The following JAM3 variants were observed in gnomAD, a reference collection of about 807,000 sequenced individuals.
JAM3 encodes junctional adhesion molecule C.
In JAM3, 31 loss-of-function variants were observed where a neutral mutation model predicts 39.4. The observed-to-expected ratio is 0.79, with a 90% CI of 0.59 to 1.06. The LOEUF (loss-of-function observed/expected upper bound fraction) is 1.06. Ranked by LOEUF, JAM3 falls within the 50% of genes least tolerant of loss-of-function variation. The pLI, the probability that JAM3 is intolerant of heterozygous loss-of-function variation, is 0.00. For missense variants in JAM3, 455 were observed against 391.4 expected, an observed-to-expected ratio of 1.16 and a Z score of -1.37; for synonymous variants, 182 against 148.7, an observed-to-expected ratio of 1.22 and a Z score of -1.63.
chr11:134,079,990 TTC>T (rs1320251860), intron 1 of JAM3, among the ~76,000 whole-genome samples: 1 of 148,360 alleles, frequency 6.7e-6, no homozygotes, highest in African/African-American at 2.6e-5. Context: ...TTTTGTTTTG[TTC>T]TTTTTTTTGT....
intron 1 of JAM3, among the ~76,000 whole-genome samples, chr11:134,126,663 C>T (rs904478876): frequency 1.3e-5 from 2 of 152,192 alleles, no homozygotes; most frequent in Non-Finnish European, 2.9e-5. Flanking sequence ...GGAGATGATT[C>T]AGGAAGTCTA....
intron 1 of JAM3, among the ~76,000 whole-genome samples, chr11:134,119,542 A>G (rs980011606): frequency 1.3e-5 from 2 of 152,316 alleles, no homozygotes; most frequent in South Asian, 4.1e-4. Context: ...GACTCACACG[A>G]TTAAGAAAGC....
chr11:134,114,339 C>A (rs1287238456), intron 1 of JAM3, among the ~76,000 whole-genome samples: 1 of 152,164 alleles, frequency 6.6e-6, no homozygotes, highest in Non-Finnish European at 1.5e-5. Flanking sequence ...AGTCTTTAAT[C>A]CATCTTGAAT....
At position 134,144,960 on chromosome 11, in the gene JAM3, C is replaced by A. The variant is rs754334717; in HGVS notation, c.578C>A (p.Ser193Tyr). 9.9e-6 allele frequency: 16 copies of A among 1,614,140 alleles called. No individual in the cohort carries two copies. Among genetic ancestry groups the A allele is most frequent in the Non-Finnish European group, 1.1e-5 (13 of 1,179,972 alleles). Residue 193 changes from serine to tyrosine, a missense_variant, in exon 5 of 9, where the codon TCT becomes TAT. Coordinates refer to ENST00000299106, the MANE Select transcript of JAM3 (RefSeq NM_032801.5). ...AGAGCCAATCCCAGATTTCGCAATT[C>A]TTCTTTCCACTTAAACTCTGAAACA... ...DSRANPRFRN[S>Y]SFHLNSETGT...
At chr11:134,122,573 C>T (rs559251265) in intron 1 of JAM3, among the ~76,000 whole-genome samples, 2 of 152,296 alleles carry the variant, frequency 1.3e-5, no homozygotes, top group South Asian at 4.1e-4. Context: ...GCTTTTCTAC[C>T]CTGTTATGGC....
At chr11:134,099,826 C>T (rs1225753158) in intron 1 of JAM3, among the ~76,000 whole-genome samples, 5 of 152,084 alleles carry the variant, frequency 3.3e-5, no homozygotes, top group Admixed American at 1.3e-4. Context: ...AGGCTGGTCT[C>T]GAACTCCAGA....
At chr11:134,129,299 G>T (rs181808556) in intron 1 of JAM3, among the ~76,000 whole-genome samples, 1 of 151,972 alleles carries the variant, frequency 6.6e-6, no homozygotes, top group Non-Finnish European at 1.5e-5. Context: ...TGTATTTTTA[G>T]TAGAGATGGG....
At chr11:134,140,862 AACCTGC>A in intron 3 of JAM3, 92 bp downstream of exon 3, 1 of 1,503,912 alleles carries the variant, frequency 6.6e-7, no homozygotes. Flanking sequence ...TCAGACTGGT[AACCTGC>A]ATCTGTAGCT....
At position 134,151,215 on chromosome 11, in the gene JAM3, CTG is replaced by C. The variant is rs1232425284; in HGVS notation, c.*2038_*2039del. 5 of 152,208 alleles carry C rather than the reference CTG, an allele frequency of 3.3e-5. No individual in the cohort carries two copies. Among genetic ancestry groups the C allele is most frequent in the Admixed American group, 2.0e-4 (3 of 15,286 alleles). 9.4% of individuals were successfully genotyped at this position (152,208 alleles called of 1,614,324 possible). On this transcript the variant is annotated 3_prime_UTR_variant, in exon 9 of 9. Coordinates refer to ENST00000299106, the MANE Select transcript of JAM3 (RefSeq NM_032801.5). The stretch of plus-strand genomic sequence containing the variant: ...CTTTTTTTTAATTGCATACATGAGA[CTG>C]TGTTGACTTTTTTTAGTTATGTGAA...
Position 134,144,279 on chromosome 11 carries a change from T to C in JAM3, c.295T>C (p.Ser99Pro), listed in dbSNP as rs747916870. 8.7e-6 allele frequency: 14 copies of C among 1,614,168 alleles called. No homozygotes were observed. The highest frequency in any genetic ancestry group is 1.2e-5 in the Non-Finnish European group (14 of 1,180,030). The change falls in exon 4 of 9, where the codon TCC becomes CCC. Residue 99 changes from serine (S) to proline (P), a missense_variant. Transcript: ENST00000299106. ...TCGTGCAGAAATACTGGGGAAGACA[T>C]CCCTGAAGATCTGGAATGTGACACG... ...AGRAEILGKT[S>P]LKIWNVTRRD...
chr11:134,144,118 A>G, intron 3 of JAM3, 123 bp from the exon 4 acceptor site: 1 of 910,976 alleles, frequency 1.1e-6, no homozygotes, highest in Middle Eastern at 2.2e-4. Flanking sequence ...TCGGGAATAG[A>G]AATAAATATT....
chr11:134,128,917 G>A (rs556517395), intron 1 of JAM3, among the ~76,000 whole-genome samples: 26 of 152,158 alleles, frequency 1.7e-4, no homozygotes, highest in African/African-American at 6.0e-4. Flanking sequence ...ACTAGGAGTT[G>A]CCTAACAAAA....
rs183117501 is a variant in JAM3 at position 134,099,633 on chromosome 11, C to T, written c.76+30474C>T. Among the ~76,000 whole-genome samples the T allele has an allele frequency of 3.9e-5, 6 of 152,294 alleles. No homozygotes were observed. The East Asian group carries it at 7.7e-4, about 20-fold the overall frequency. On this transcript the variant is annotated intron_variant, in intron 1 of 8. Coordinates refer to ENST00000299106, the MANE Select transcript of JAM3 (RefSeq NM_032801.5). ...GTTTATTTATTTAGGGACAGAATCT[C>T]GCTCTGTCACCCGCCCAGGCTGGAG...
At chr11:134,138,558 C>T (rs938889813) in intron 1 of JAM3, among the ~76,000 whole-genome samples, 1 of 152,238 alleles carries the variant, frequency 6.6e-6, no homozygotes, top group Non-Finnish European at 1.5e-5. Context: ...GACTCGGAGC[C>T]TCACATATCA....
intron 1 of JAM3, among the ~76,000 whole-genome samples, chr11:134,129,437 A>T (rs1285060545): frequency 6.6e-6 from 1 of 151,978 alleles, no homozygotes; most frequent in Non-Finnish European, 1.5e-5. Flanking sequence ...TCTTATAAGG[A>T]CACTAGTCAT....
At chr11:134,125,025 G>C (rs554207794) in intron 1 of JAM3, among the ~76,000 whole-genome samples, 78 of 152,328 alleles carry the variant, frequency 5.1e-4, no homozygotes, top group African/African-American at 1.6e-3. Context: ...CACCCGCCCG[G>C]TGGCGGCGGC....
chr11:134,133,084 G>A (rs892981138), intron 1 of JAM3, among the ~76,000 whole-genome samples: 1 of 152,134 alleles, frequency 6.6e-6, no homozygotes. Context: ...GATGGATGAG[G>A]GTTTCCAAGC....
intron 3 of JAM3, among the ~76,000 whole-genome samples, chr11:134,142,193 C>T (rs573212494): frequency 6.6e-6 from 1 of 152,218 alleles, no homozygotes; most frequent in African/African-American, 2.4e-5. Context: ...CTCTTAGCCA[C>T]AGGGATGGGG....
At chr11:134,145,019 G>A (rs753999446) in intron 5 of JAM3, 25 bp downstream of exon 5, 6 of 1,557,470 alleles carry the variant, frequency 3.9e-6, no homozygotes, top group African/African-American at 1.4e-5. Context: ...AAGAGGTGAG[G>A]ATGGAGATGT....
Sources: gnomAD v4.1 joint callset for allele counts (sites outside exome capture counted in the v4.1 genomes callset) on GRCh38, gnomAD v4.1.1 for gene constraint, MANE v1.5 for transcripts, NCBI Gene and HGNC (gene_info 2026-07-23, HGNC 2026-07-21) for gene names.